The following CHRDL1 variants were observed in gnomAD, a reference collection of about 807,000 sequenced individuals.
The protein encoded by CHRDL1 is chordin-like protein 1.
CHRDL1 carries 19 observed loss-of-function variants against 40.9 expected under a neutral mutation model. The observed-to-expected ratio is 0.46, with a 90% CI of 0.32 to 0.68. The LOEUF (loss-of-function observed/expected upper bound fraction) is 0.68. Ranked by LOEUF, CHRDL1 falls within the 30% of genes least tolerant of loss-of-function variation. The pLI is 0.03. For missense variants in CHRDL1, 329 were observed against 352.1 expected (o/e 0.93, Z 0.53); for synonymous variants, 136 against 123.4 (o/e 1.10, Z -0.68).
intron 2 of CHRDL1, among the ~76,000 whole-genome samples, chrX:110,778,704 G>T (rs188955275): frequency 1.7e-3 from 185 of 111,758 alleles, no homozygotes; most frequent in Middle Eastern, 9.3e-3. Flanking sequence ...ATTCCTCAAA[G>T]ACCTAAAAAC....
chrX:110,697,606 C>T (rs183341394), intron 7 of CHRDL1, among the ~76,000 whole-genome samples: 341 of 110,497 alleles, frequency 3.1e-3, no homozygotes, highest in Non-Finnish European at 5.4e-3. Flanking sequence ...AACCATTGTT[C>T]TGACAGTACA....
intron 3 of CHRDL1, 86 bp downstream of exon 3, chrX:110,762,609 C>T: frequency 1.8e-6 from 1 of 548,967 alleles, no homozygotes; most frequent in African/African-American, 2.3e-5. Flanking sequence ...ATTTTATCAT[C>T]CATGGTCCCT....
At chrX:110,697,854 A>G (rs867741588) in intron 7 of CHRDL1, among the ~76,000 whole-genome samples, 5 of 96,331 alleles carry the variant, frequency 5.2e-5, no homozygotes, top group African/African-American at 2.5e-4. Context: ...ACACACACAC[A>G]CACACACACA....
intron 9 of CHRDL1, 137 bp from the exon 10 acceptor site, chrX:110,681,786 A>G (rs1290932886): frequency 2.0e-6 from 1 of 494,005 alleles, no homozygotes; most frequent in African/African-American, 2.4e-5. Context: ...TCTTCGAGAG[A>G]CAGAAATTCC....
intron 6 of CHRDL1, among the ~76,000 whole-genome samples, chrX:110,710,151 C>A (rs774792129): frequency 8.9e-6 from 1 of 112,203 alleles, no homozygotes; most frequent in Non-Finnish European, 1.9e-5. Flanking sequence ...CAGTTGTATA[C>A]ACTGCTCTTC....
intron 5 of CHRDL1, 151 bp from the exon 6 acceptor site, chrX:110,720,079 T>C (rs1173973178): frequency 1.6e-5 from 6 of 383,224 alleles, no homozygotes; most frequent in Middle Eastern, 6.0e-4. Flanking sequence ...CTACATTTTA[T>C]TACGCATTAT....
intron 6 of CHRDL1, among the ~76,000 whole-genome samples, chrX:110,713,456 G>A (rs1342651545): frequency 8.9e-6 from 1 of 111,915 alleles, no homozygotes; most frequent in Non-Finnish European, 1.9e-5. Context: ...GGAAAACATG[G>A]GCAGTGTGGT....
intron 8 of CHRDL1, 29 bp downstream of exon 8, chrX:110,694,134 G>A (rs199971828): frequency 6.8e-4 from 784 of 1,149,419 alleles, no homozygotes; most frequent in South Asian, 1.0e-3. Flanking sequence ...CCTTGTTGTG[G>A]AAGTATACAA....
chrX:110,688,639 T>C lies in CHRDL1; in HGVS notation c.943A>G (p.Ile315Val). The stretch of plus-strand genomic sequence containing the variant: ...CACACCTTGCAGCATTTTCCGTCTA[T>C]TTTTTGAGGATACTTGCAGGGGTAT... The part of the protein sequence containing the change: ...NRYPCKYPQK[I>V]DGKCCKVCPG... The change falls in exon 9 of 12, where the codon ATA becomes GTA. Residue 315 changes from isoleucine to valine, a missense_variant. Coordinates refer to ENST00000372042, the MANE Select transcript of CHRDL1 (RefSeq NM_001143981.2). The C allele has an allele frequency of 5.8e-6, 7 of 1,210,719 alleles. No homozygotes were observed. The highest frequency in any genetic ancestry group is 7.8e-6 in the Non-Finnish European group (7 of 895,012).
rs367600995 is a variant in CHRDL1, at chrX:110,720,610, TA to T, written c.448-683del. 3.0e-3 allele frequency among the ~76,000 whole-genome samples: 337 copies of T among 111,899 alleles called. 2 individuals are homozygous for T. Among genetic ancestry groups the T allele is most frequent in the African/African-American group, 0.01 (320 of 30,826 alleles). ...AAGCAAGGCCACACGAAAATTCTCC[TA>T]AACTACTGAGATACTATATTCTTAC... On this transcript the variant is annotated intron_variant, in intron 5 of 11. Coordinates refer to ENST00000372042, the MANE Select transcript of CHRDL1 (RefSeq NM_001143981.2).
intron 2 of CHRDL1, among the ~76,000 whole-genome samples, chrX:110,777,766 A>G (rs1176653944): frequency 9.0e-6 from 1 of 111,721 alleles, no homozygotes; most frequent in Non-Finnish European, 1.9e-5. Flanking sequence ...CCTTTATCAG[A>G]TATGTCTCTT....
At chrX:110,779,647 A>C (rs2148528683) in intron 2 of CHRDL1, among the ~76,000 whole-genome samples, 1 of 111,271 alleles carries the variant, frequency 9.0e-6, no homozygotes, top group Admixed American at 9.5e-5. Flanking sequence ...GTTCTCCTTT[A>C]ATATTGTGTT....
intron 6 of CHRDL1, among the ~76,000 whole-genome samples, chrX:110,718,757 TATTTTCTGC>T (rs746877304): frequency 1.8e-5 from 2 of 112,349 alleles, no homozygotes; most frequent in South Asian, 7.4e-4. Flanking sequence ...GTCCTATGTT[TATTTTCTGC>T]ATAGTACTTG....
intron 7 of CHRDL1, among the ~76,000 whole-genome samples, chrX:110,699,623 G>T (rs1446828647): frequency 8.9e-6 from 1 of 112,316 alleles, no homozygotes; most frequent in African/African-American, 3.2e-5. Context: ...TGACCTTCCA[G>T]ATTGGTTTAT....
At chrX:110,682,371 C>G (rs2069919896) in intron 9 of CHRDL1, among the ~76,000 whole-genome samples, 1 of 112,022 alleles carries the variant, frequency 8.9e-6, no homozygotes, top group Admixed American at 9.5e-5. Flanking sequence ...AATGTGTAAA[C>G]TAAACTGTTG....
chrX:110,765,523 T>C (rs1366425493), intron 2 of CHRDL1, among the ~76,000 whole-genome samples: 1 of 111,947 alleles, frequency 8.9e-6, no homozygotes, highest in Admixed American at 9.5e-5. Context: ...TACATGTGGC[T>C]TGCCAGTTAT....
At chrX:110,743,766 T>G (rs936371788) in intron 4 of CHRDL1, among the ~76,000 whole-genome samples, 1 of 111,675 alleles carries the variant, frequency 9.0e-6, no homozygotes, top group East Asian at 2.8e-4. Context: ...GCACAAGGGC[T>G]CCCTAGGGTT....
chrX:110,689,825 CTATATATCTA>C (rs1569462311), intron 8 of CHRDL1, among the ~76,000 whole-genome samples: 5 of 50,285 alleles, frequency 9.9e-5, no homozygotes, highest in East Asian at 1.2e-3. Flanking sequence ...ATCTATATAT[CTATATATCTA>C]TATATATCTA....
At chrX:110,732,122 A>G (rs1403190871) in intron 4 of CHRDL1, among the ~76,000 whole-genome samples, 1 of 111,379 alleles carries the variant, frequency 9.0e-6, no homozygotes, top group Non-Finnish European at 1.9e-5. Context: ...AAGAAGAGAA[A>G]GGTAAATTAA....
Sources: gnomAD v4.1 joint callset for allele counts (sites outside exome capture counted in the v4.1 genomes callset) on GRCh38, gnomAD v4.1.1 for gene constraint, MANE v1.5 for transcripts, NCBI Gene and HGNC (gene_info 2026-07-23, HGNC 2026-07-21) for gene names.